ATP10A: variants seen among roughly 807,000 people sequenced by gnomAD.
ATP10A encodes the protein phospholipid-transporting ATPase VA.
ATP10A carries 111 observed loss-of-function variants against 147.8 expected under a neutral mutation model. That is an observed-to-expected ratio of 0.75 (90% CI 0.64 to 0.88). ATP10A has a LOEUF of 0.88. ATP10A is among the 40% of genes least tolerant of loss of function. The pLI, the probability that ATP10A is intolerant of heterozygous loss-of-function variation, is 0.00. For missense variants in ATP10A, 1,927 were observed against 1,959.0 expected (o/e 0.98, Z 0.31); for synonymous variants, 875 against 841.6 (o/e 1.04, Z -0.69).
intron 2 of ATP10A, among the ~76,000 whole-genome samples, chr15:25,777,198 G>A (rs1426413992): frequency 1.4e-5 from 2 of 147,254 alleles, no homozygotes; most frequent in Middle Eastern, 6.4e-3. Context: ...CTCAGTCCGG[G>A]GTACCCTGGA....
rs778507789 is a variant in ATP10A at position 25,723,917 on chromosome 15, A to G, written c.1084T>C (p.Phe362Leu). ...LSPVTAAVYS[F>L]LTMIIVLQVL... ...TGCAGAACTATTATCATTGTTAAAA[A>G]TGAGTAAACTGCAGCTGTGACTGGG... is the stretch of plus-strand genomic sequence containing the variant. The change falls in exon 6 of 21, where the codon TTT (phenylalanine) becomes CTT (leucine). Residue 362 changes from phenylalanine to leucine, a missense_variant. Coordinates refer to ENST00000555815, the MANE Select transcript of ATP10A (RefSeq NM_024490.4). 1.9e-6 allele frequency: 3 copies of G among 1,605,698 alleles called. No individual in the cohort carries two copies. The highest frequency in any genetic ancestry group is 2.2e-5 in the East Asian group (1 of 44,696).
chr15:25,749,680 C>T (rs1399875681), intron 2 of ATP10A, among the ~76,000 whole-genome samples: 1 of 152,144 alleles, frequency 6.6e-6, no homozygotes, highest in Non-Finnish European at 1.5e-5. Flanking sequence ...CTTAATCTAA[C>T]ATAGAAGAGA....
At chr15:25,853,162 C>T (rs867831499) in intron 1 of ATP10A, among the ~76,000 whole-genome samples, 7 of 152,040 alleles carry the variant, frequency 4.6e-5, no homozygotes, top group South Asian at 2.1e-4. Flanking sequence ...AACTGCACTC[C>T]GGGAAAATGC....
intron 1 of ATP10A, among the ~76,000 whole-genome samples, chr15:25,805,284 G>A (rs1596923079): frequency 6.6e-6 from 1 of 152,344 alleles, no homozygotes. Flanking sequence ...AGGGACTGGA[G>A]CCACGCCACC....
chr15:25,708,389 C>A, intron 10 of ATP10A, 89 bp from the exon 11 acceptor site: 2 of 1,149,244 alleles, frequency 1.7e-6, no homozygotes, highest in South Asian at 1.3e-5. Context: ...CACGTCTGTT[C>A]GTTACTTGCG....
intron 3 of ATP10A, among the ~76,000 whole-genome samples, 192 bp downstream of exon 3, chr15:25,735,864 T>A (rs1003497927): frequency 3.9e-5 from 6 of 152,110 alleles, no homozygotes; most frequent in African/African-American, 1.4e-4. Flanking sequence ...AACAGGCTCT[T>A]ACCCACTACT....
intron 1 of ATP10A, chr15:25,841,468 A>G (rs1413184808): frequency 6.6e-6 from 1 of 152,102 alleles, no homozygotes; most frequent in Non-Finnish European, 1.5e-5. Context: ...GCAGCTCCAC[A>G]GTAAGCATTA....
At position 25,839,927 on chromosome 15, in the gene ATP10A, G is replaced by C. The variant is rs989584288; in HGVS notation, c.449+22721C>G. 8.5e-5 allele frequency among the ~76,000 whole-genome samples: 13 copies of C among 152,200 alleles called. No homozygotes were observed. The South Asian group carries it at 2.7e-3, about 32-fold the overall frequency. ...TCTAGCTTTAAGTGCATTCGTGTGC[G>C]TGTGTGTGCGCATGTGCATCTGTGC... is the stretch of plus-strand genomic sequence containing the variant. On this transcript the variant is annotated intron_variant, in intron 1 of 20. Transcript: ENST00000555815.
chr15:25,692,121 T>A (rs1370195195), intron 14 of ATP10A, among the ~76,000 whole-genome samples: 1 of 152,058 alleles, frequency 6.6e-6, no homozygotes, highest in Non-Finnish European at 1.5e-5. Context: ...ATCTTCATCA[T>A]CATTAGTTAC....
intron 3 of ATP10A, among the ~76,000 whole-genome samples, chr15:25,727,932 CGCCCT>C (rs1902680914): frequency 6.6e-6 from 1 of 152,140 alleles, no homozygotes; most frequent in East Asian, 1.9e-4. Flanking sequence ...GGGCTAGGAC[CGCCCT>C]GGGACAGATA....
chr15:25,718,494 C>A, intron 7 of ATP10A, 95 bp from the exon 8 acceptor site: 1 of 1,294,522 alleles, frequency 7.7e-7, no homozygotes, highest in Non-Finnish European at 1.1e-6. Flanking sequence ...GCGAGGCTTC[C>A]GGCAGGGCAG....
At chr15:25,712,908 C>G (rs1382289918) in intron 10 of ATP10A, among the ~76,000 whole-genome samples, 1 of 152,204 alleles carries the variant, frequency 6.6e-6, no homozygotes, top group Admixed American at 6.5e-5. Context: ...GGGTCCTCTC[C>G]TGAGGCACTG....
At chr15:25,683,803 C>T (rs1008002874) in intron 16 of ATP10A, 1 of 366,654 alleles carries the variant, frequency 2.7e-6, no homozygotes, top group Non-Finnish European at 5.1e-6. Flanking sequence ...AAAACAAAAT[C>T]AAGGTTTCAC....
At chr15:25,827,887 A>C (rs1401957784) in intron 1 of ATP10A, among the ~76,000 whole-genome samples, 1 of 152,224 alleles carries the variant, frequency 6.6e-6, no homozygotes, top group Non-Finnish European at 1.5e-5. Flanking sequence ...CAATCCATCT[A>C]TATGTGATCT....
intron 2 of ATP10A, among the ~76,000 whole-genome samples, chr15:25,742,605 AC>A (rs1456032860): frequency 6.6e-6 from 1 of 151,928 alleles, no homozygotes; most frequent in African/African-American, 2.4e-5. Flanking sequence ...CAAAATCAAA[AC>A]CCTTTCTTTC....
chr15:25,768,012 G>A (rs72705865), intron 2 of ATP10A, among the ~76,000 whole-genome samples: 4,282 of 152,340 alleles, frequency 0.028, 87 homozygotes, highest in East Asian at 0.12. Flanking sequence ...CACCAGGGCT[G>A]GCTCCCAAAG....
chr15:25,774,571 C>T (rs1475228166), intron 2 of ATP10A, among the ~76,000 whole-genome samples: 2 of 111,580 alleles, frequency 1.8e-5, no homozygotes, highest in African/African-American at 3.5e-5. Context: ...AGCAAAACTC[C>T]GTCTCAAAAA....
At chr15:25,861,805 G>A (rs1893771880) in intron 1 of ATP10A, 1 of 155,324 alleles carries the variant, frequency 6.4e-6, no homozygotes, top group Non-Finnish European at 1.4e-5. Flanking sequence ...AGGGCCTTGA[G>A]GTGGTCCAGG....
chr15:25,702,021 A>C lies in ATP10A; in HGVS notation c.2655T>G (p.Ile885Met). ...CTTGTTTGTCACCAGTGAGAACCCAAATCTGCAGGCCCGCTTGACGCAATT... is the reference window on the plus strand; with the variant it reads ...CTTGTTTGTCACCAGTGAGAACCCACATCTGCAGGCCCGCTTGACGCAATT... The part of the protein sequence containing the change: ...ISKLRQAGLQ[I>M]WVLTGDKQET... Residue 885 changes from isoleucine (I) to methionine (M), a missense_variant, in exon 13 of 21, where the codon ATT (isoleucine) becomes ATG (methionine). Coordinates refer to ENST00000555815, the MANE Select transcript of ATP10A (RefSeq NM_024490.4). 6.2e-7 allele frequency: 1 copy of C among 1,614,190 alleles called. No homozygotes were observed. Among genetic ancestry groups the C allele is most frequent in the East Asian group, 2.2e-5 (1 of 44,884 alleles).
Sources: allele counts gnomAD v4.1 joint callset (sites outside exome capture counted in the v4.1 genomes callset), GRCh38; gene constraint gnomAD v4.1.1; transcripts MANE v1.5; gene names NCBI Gene and HGNC (gene_info 2026-07-23, HGNC 2026-07-21).